The following PMF1 variants were observed in gnomAD, a reference collection of about 807,000 sequenced individuals.
PMF1 encodes polyamine-modulated factor 1.
In PMF1, 21 loss-of-function variants were observed where a neutral mutation model predicts 26.7. The observed-to-expected ratio is 0.79, with a 90% CI of 0.56 to 1.13. PMF1 has a LOEUF of 1.13. Among genes scored for constraint, PMF1 ranks in the 50% most tolerant of loss-of-function variants. The probability of loss-of-function intolerance (pLI) is 0.00; values close to 1 mark genes in which losing one functional copy is unlikely to be tolerated. For missense variants in PMF1, 266 were observed against 254.9 expected, an observed-to-expected ratio of 1.04 and a Z score of -0.30; for synonymous variants, 105 against 101.0, an observed-to-expected ratio of 1.04 and a Z score of -0.24.
In PMF1 at chr1:156,233,721, C is replaced by T; in HGVS notation, c.361C>T (p.Pro121Ser). The change falls in exon 3 of 5, where the codon CCA becomes TCA. Residue 121 changes from proline (P) to serine (S), a missense_variant. Transcript: ENST00000368277. The stretch of plus-strand genomic sequence containing the variant: ...GGAAGAAGGCAAAGTCCGCAAAGAG[C>T]CAGCCTGGTGAGAGTGGGGTGGGGA... ...IVEEGKVRKE[P>S]AWRPSGIPEK... 1 of 1,613,366 alleles carries T rather than the reference C, an allele frequency of 6.2e-7. No individual in the cohort carries two copies. Among genetic ancestry groups the T allele is most frequent in the South Asian group, 1.1e-5 (1 of 91,052 alleles).
intron 1 of PMF1, 87 bp downstream of exon 1, chr1:156,213,263 G>T (rs2103065211): frequency 6.5e-7 from 1 of 1,548,694 alleles, no homozygotes; most frequent in Non-Finnish European, 8.7e-7. Flanking sequence ...GCTGGCGCGC[G>T]GTGACGTGGG....
At chr1:156,223,113 T>C (rs1658173955) in intron 1 of PMF1, among the ~76,000 whole-genome samples, 1 of 152,232 alleles carries the variant, frequency 6.6e-6, no homozygotes, top group African/African-American at 2.4e-5. Flanking sequence ...TGGTGGTGTT[T>C]TGTTTCTGAA....
At position 156,239,711 on chromosome 1, in the gene PMF1, C is replaced by T; in HGVS notation, c.*110C>T. On this transcript the variant is annotated 3_prime_UTR_variant, in exon 5 of 5. Transcript: ENST00000368277. ...AGAACGGCTGAAATGGTGCCCAGTC[C>T]ATCAGCAGTGATGGAATTTGCTGGA... The T allele has an allele frequency of 1.2e-6, 1 of 849,000 alleles. No homozygotes were observed. The highest frequency in any genetic ancestry group is 2.0e-6 in the Non-Finnish European group (1 of 508,460). The allele number at this position is 849,000 out of a possible 1,614,324, so 52.6% of individuals were successfully genotyped here. A position where few individuals can be genotyped will look rare whatever the true frequency, so the allele number is the denominator to read the frequency against.
At chr1:156,235,451 TTTTTTTTTGAGACAGAGTCTCGCTC>T (rs1198770390) in intron 3 of PMF1, among the ~76,000 whole-genome samples, 4 of 139,448 alleles carry the variant, frequency 2.9e-5, no homozygotes, top group Non-Finnish European at 6.2e-5. Context: ...TTTTTTTTTT[TTTTTTTTTGAGACAGAGTCTCGCTC>T]TGTCTCTCAG....
chr1:156,237,926 G>A (rs559893177), intron 4 of PMF1, among the ~76,000 whole-genome samples: 18 of 148,570 alleles, frequency 1.2e-4, no homozygotes, highest in East Asian at 6.0e-4. Flanking sequence ...CTGCTGTGAC[G>A]CCTGGTTAAT....
chr1:156,224,403 A>G (rs1485508548), intron 1 of PMF1, among the ~76,000 whole-genome samples: 3 of 152,246 alleles, frequency 2.0e-5, no homozygotes, highest in Non-Finnish European at 4.4e-5. Context: ...TCGAAAGGCT[A>G]ATTTTTAAAG....
chr1:156,239,472 G>C, intron 4 of PMF1, 76 bp from the exon 5 acceptor site: 1 of 1,184,870 alleles, frequency 8.4e-7, no homozygotes, highest in Non-Finnish European at 1.3e-6. Flanking sequence ...CCCAGGCCTG[G>C]AGTCAGGGAC....
intron 2 of PMF1, 77 bp downstream of exon 2, chr1:156,232,502 C>T (rs950861173): frequency 2.8e-6 from 4 of 1,406,582 alleles, no homozygotes; most frequent in Non-Finnish European, 4.0e-6. Flanking sequence ...AGGGCAGTGG[C>T]CCCACCCTCT....
At chr1:156,227,465 T>C (rs1449926320) in intron 1 of PMF1, among the ~76,000 whole-genome samples, 2 of 150,664 alleles carry the variant, frequency 1.3e-5, no homozygotes, top group East Asian at 3.9e-4. Context: ...GATTTAAAAT[T>C]TCTTTTAATT....
intron 1 of PMF1, among the ~76,000 whole-genome samples, chr1:156,219,445 A>G (rs1276936731): frequency 1.3e-5 from 2 of 151,996 alleles, no homozygotes; most frequent in Non-Finnish European, 2.9e-5. Flanking sequence ...CCCCCTTACC[A>G]ATGGCCAGCT....
chr1:156,231,892 T>C (rs974203867), intron 1 of PMF1, among the ~76,000 whole-genome samples: 4 of 152,184 alleles, frequency 2.6e-5, no homozygotes, highest in Non-Finnish European at 5.9e-5. Context: ...TTGCTTTCTA[T>C]GTGGCTCTTT....
intron 1 of PMF1, among the ~76,000 whole-genome samples, chr1:156,215,275 G>T (rs1206213402): frequency 6.6e-6 from 1 of 152,176 alleles, no homozygotes; most frequent in African/African-American, 2.4e-5. Context: ...AACTGGCAGA[G>T]ACCTTCTTGG....
intron 4 of PMF1, 164 bp downstream of exon 4, chr1:156,236,647 T>A: frequency 1.1e-6 from 1 of 897,308 alleles, no homozygotes; most frequent in Non-Finnish European, 1.6e-6. Context: ...GCGTGTGCAG[T>A]AGCCTCTGCC....
At chr1:156,228,288 T>TTTTTTTTTTTTTTTC (rs1371074585) in intron 1 of PMF1, among the ~76,000 whole-genome samples, 1 of 143,792 alleles carries the variant, frequency 7.0e-6, no homozygotes, top group Non-Finnish European at 1.5e-5. Context: ...TTTTTTTTTT[T>TTTTTTTTTTTTTTTC]AGTGTATCAC....
At chr1:156,226,517 G>A (rs190759156) in intron 1 of PMF1, among the ~76,000 whole-genome samples, 162 of 152,356 alleles carry the variant, frequency 1.1e-3, no homozygotes, top group South Asian at 2.7e-3. Flanking sequence ...AGACTTCCCA[G>A]CTCTGGGGAG....
intron 3 of PMF1, among the ~76,000 whole-genome samples, chr1:156,235,288 T>C (rs1421685764): frequency 1.3e-5 from 2 of 148,862 alleles, no homozygotes; most frequent in Non-Finnish European, 3.0e-5. Context: ...CACACCTGGC[T>C]AATTTTTGTA....
At chr1:156,239,250 T>C (rs543698368) in intron 4 of PMF1, among the ~76,000 whole-genome samples, 9 of 152,328 alleles carry the variant, frequency 5.9e-5, no homozygotes, top group South Asian at 4.1e-4. Flanking sequence ...GAAAGCTCTG[T>C]TGAGGTCAGA....
intron 1 of PMF1, chr1:156,225,748 C>G (rs1658340423): frequency 6.6e-6 from 4 of 602,190 alleles, no homozygotes; most frequent in Non-Finnish European, 1.2e-5. Flanking sequence ...TCTTTCCATG[C>G]TGTCCTGCAC....
chr1:156,234,233 G>A (rs1253703301), intron 3 of PMF1, among the ~76,000 whole-genome samples: 3 of 152,170 alleles, frequency 2.0e-5, no homozygotes, highest in Non-Finnish European at 4.4e-5. Flanking sequence ...CCCTTCAGGG[G>A]AGGAGAGCCC....
Sources: gnomAD v4.1 joint callset for allele counts (sites outside exome capture counted in the v4.1 genomes callset) on GRCh38, gnomAD v4.1.1 for gene constraint, MANE v1.5 for transcripts, NCBI Gene and HGNC (gene_info 2026-07-23, HGNC 2026-07-21) for gene names.